GRM4: variants seen among roughly 807,000 people sequenced by gnomAD.
GRM4 encodes the protein metabotropic glutamate receptor 4.
A neutral mutation model predicts 81.7 loss-of-function variants in GRM4; 28 were observed. That is an observed-to-expected ratio of 0.34 (90% CI 0.25 to 0.47). The LOEUF is 0.47. Among genes scored for constraint, GRM4 ranks in the 20% least tolerant of loss-of-function variants. The probability of loss-of-function intolerance (pLI) is 1.00; values close to 1 mark genes in which losing one functional copy is unlikely to be tolerated. For synonymous variants in GRM4, 488 were observed against 528.8 expected, an observed-to-expected ratio of 0.92 and a Z score of 1.06; for missense variants, 948 against 1,290.0, an observed-to-expected ratio of 0.73 and a Z score of 4.06.
rs1375006060 is a variant in GRM4 at position 34,133,056 on chromosome 6, A to G, written c.441T>C (p.Pro147=). The change falls in exon 2 of 11, where the codon CCT becomes CCC. Residue 147 remains proline, a synonymous_variant. Transcript: ENST00000538487. The surrounding 1 kb of genome is among the most constrained non-coding windows in gnomAD (Gnocchi z 6.5). ...GSGGPPIITK[P]ERVVGVIGAS... ...CACCGATGACACCCACCACACGTTC[A>G]GGCTTGGTGATGATGGGTGGGCCGC... is the stretch of plus-strand genomic sequence containing the variant. The G allele has an allele frequency of 5.6e-6, 9 of 1,613,930 alleles. No individual in the cohort carries two copies. The highest frequency in any genetic ancestry group is 7.6e-6 in the Non-Finnish European group (9 of 1,179,902).
chr6:34,033,940 T>C (rs141052627), intron 9 of GRM4, among the ~76,000 whole-genome samples: 12 of 152,286 alleles, frequency 7.9e-5, no homozygotes, highest in African/African-American at 2.2e-4. Flanking sequence ...GGTTTCACCA[T>C]GTTGGTCAGG....
rs1767233623 is a variant in GRM4, at chr6:34,074,871, C to T, written c.737-12843G>A. On this transcript the variant is annotated intron_variant, in intron 3 of 10. Coordinates refer to ENST00000538487, the MANE Select transcript of GRM4 (RefSeq NM_000841.4). The surrounding 1 kb of genome is among the most constrained non-coding windows in gnomAD (Gnocchi z 4.9). ...GTTCCTGGCCCCCACCAAAAGCCCC[C>T]CAGAGGTCCCTACCCCAGGTCAACC... 1.3e-5 allele frequency among the ~76,000 whole-genome samples: 2 copies of T among 152,278 alleles called. No individual in the cohort carries two copies. Among genetic ancestry groups the T allele is most frequent in the South Asian group, 4.1e-4 (2 of 4,828 alleles).
At chr6:34,053,566 G>A (rs1218088838) in intron 6 of GRM4, among the ~76,000 whole-genome samples, 3 of 152,186 alleles carry the variant, frequency 2.0e-5, no homozygotes, top group African/African-American at 4.8e-5. Context: ...GAGACATACC[G>A]CGTCTAGAGC....
chr6:34,133,413 A>G lies in GRM4; in HGVS notation c.84T>C (p.Pro28=). The G allele has an allele frequency of 1.2e-6, 2 of 1,613,194 alleles. No homozygotes were observed. The highest frequency in any genetic ancestry group is 1.7e-6 in the Non-Finnish European group (2 of 1,179,760). Residue 28 remains proline, a synonymous_variant, in exon 2 of 11, where the codon CCT becomes CCC. Transcript: ENST00000538487. The surrounding 1 kb of genome is among the most constrained non-coding windows in gnomAD (Gnocchi z 6.5). ...LLLSLYGPWM[P]SSLGKPKGHP... is the part of the protein sequence containing the mutation. The stretch of plus-strand genomic sequence containing the variant: ...GGCCTTTGGGCTTTCCCAGGGAGGA[A>G]GGCATCCAGGGGCCGTAAAGGCTGA...
rs1764937780 is a variant in GRM4, at chr6:34,040,281, T to A, written c.1403A>T (p.Asn468Ile). Reference sequence around the variant, plus strand: ...GTCATAGCGCCCAGGCGCATCTCCATTCTCATTGAAGGTCACAGGGTTCCC... The same window carrying A: ...GTCATAGCGCCCAGGCGCATCTCCAATCTCATTGAAGGTCACAGGGTTCCC... Reference protein sequence around the residue: ...IAGNPVTFNENGDAPGRYDIY... With the variant: ...IAGNPVTFNEIGDAPGRYDIY... Residue 468 changes from asparagine to isoleucine, a missense_variant, in exon 8 of 11, where the codon AAT becomes ATT. Physicochemically the swap from Asn to Ile is moderately radical, Grantham distance 149 (BLOSUM62 -3). Transcript: ENST00000538487. 6.2e-7 allele frequency: 1 copy of A among 1,614,226 alleles called. No homozygotes were observed. Among genetic ancestry groups the A allele is most frequent in the Non-Finnish European group, 8.5e-7 (1 of 1,180,010 alleles).
chr6:34,029,920 A>T (rs1403597694), intron 9 of GRM4, among the ~76,000 whole-genome samples: 1 of 152,224 alleles, frequency 6.6e-6, no homozygotes, highest in African/African-American at 2.4e-5. Context: ...CCACTGGTTC[A>T]GGGAAATGTC....
intron 2 of GRM4, among the ~76,000 whole-genome samples, chr6:34,122,761 T>TGTCA (rs60566725): frequency 3.9e-5 from 6 of 151,916 alleles, no homozygotes; most frequent in African/African-American, 1.2e-4. Context: ...TCTGTCTGTC[T>TGTCA]CTGGGCCAGG....
At position 34,040,305 on chromosome 6, in the gene GRM4, C is replaced by T; in HGVS notation, c.1379G>A (p.Gly460Glu). The T allele has an allele frequency of 6.2e-6, 10 of 1,614,116 alleles. No homozygotes were observed. The highest frequency in any genetic ancestry group is 8.5e-6 in the Non-Finnish European group (10 of 1,180,002). Reference protein sequence around the residue: ...IRNVNFSGIAGNPVTFNENGD... With the variant: ...IRNVNFSGIAENPVTFNENGD... ...ATTCTCATTGAAGGTCACAGGGTTCCCTGCGATGCCTGTAAGGGTGGGCGG... is the reference window on the plus strand; with the variant it reads ...ATTCTCATTGAAGGTCACAGGGTTCTCTGCGATGCCTGTAAGGGTGGGCGG... The change falls in exon 8 of 11, where the codon GGG becomes GAG. Residue 460 changes from glycine to glutamate, a missense_variant. Transcript: ENST00000538487.
chr6:34,108,778 C>A (rs1369961334), intron 2 of GRM4, among the ~76,000 whole-genome samples: 1 of 152,164 alleles, frequency 6.6e-6, no homozygotes, highest in African/African-American at 2.4e-5. Flanking sequence ...TATTGAGGAT[C>A]TGCTTCCGCC....
chr6:34,126,178 A>T (rs1770014355), intron 2 of GRM4, among the ~76,000 whole-genome samples: 1 of 152,226 alleles, frequency 6.6e-6, no homozygotes, highest in Non-Finnish European at 1.5e-5. Flanking sequence ...ATTCAGGGCC[A>T]GATGGCCTGG....
chr6:34,019,941 C>T lies in GRM4; in HGVS notation c.*2880G>A, dbSNP rs1763810679. On this transcript the variant is annotated 3_prime_UTR_variant, in exon 11 of 11. Transcript: ENST00000538487. ...TGGCCTGAGCCTTCTAGGTGATGGA[C>T]CCAGGACTCCAGCAGCACCCACCCT... The T allele has an allele frequency of 6.6e-6, 1 of 152,250 alleles. No individual in the cohort carries two copies. The highest frequency in any genetic ancestry group is 2.4e-5 in the African/African-American group (1 of 41,410). 9.4% of individuals were successfully genotyped at this position (152,250 alleles called of 1,614,324 possible).
At chr6:34,146,735 C>T (rs758671212), upstream of GRM4, among the ~76,000 whole-genome samples, 19 of 152,192 alleles carry the variant, frequency 1.2e-4, no homozygotes, top group Non-Finnish European at 2.6e-4. Flanking sequence ...AGTACCTCGA[C>T]CCCCGGCTGA....
chr6:34,035,485 T>TG lies in GRM4; in HGVS notation c.2442+182dup, dbSNP rs2127442275. On this transcript the variant is annotated intron_variant, in intron 9 of 10. Transcript: ENST00000538487. The surrounding 1 kb of genome is among the most constrained non-coding windows in gnomAD (Gnocchi z 6.6). ...AAACCCAGAACCCAGAGAGAAAACTTGCAGCTGGGAGAGAAGGCAGAATGA... is the reference window on the plus strand; with the variant it reads ...AAACCCAGAACCCAGAGAGAAAACTTGGCAGCTGGGAGAGAAGGCAGAATGA... Among the ~76,000 whole-genome samples the TG allele has an allele frequency of 7.9e-6, 1 of 127,030 alleles. No homozygotes were observed. Among genetic ancestry groups the TG allele is most frequent in the South Asian group, 2.2e-4 (1 of 4,466 alleles). The allele number at this position is 127,030 out of a possible 152,430, so 83.3% of individuals were successfully genotyped here.
rs985307868 is a variant in GRM4, at chr6:34,133,555, T to C, written c.-59A>G. 1.3e-6 allele frequency: 2 copies of C among 1,499,582 alleles called. No homozygotes were observed. 92.9% of individuals were successfully genotyped at this position (1,499,582 alleles called of 1,614,324 possible). A position where few individuals can be genotyped will look rare whatever the true frequency, so the allele number is the denominator to read the frequency against. Reference sequence around the variant, plus strand: ...CCCACTCCTAGCCCTGGCAGGCCCCTGGCCCCACGGCCTGGGTGGGCATGG... The same window carrying C: ...CCCACTCCTAGCCCTGGCAGGCCCCCGGCCCCACGGCCTGGGTGGGCATGG... On this transcript the variant is annotated 5_prime_UTR_variant, in exon 2 of 11. Transcript: ENST00000538487. The surrounding 1 kb of genome is among the most constrained non-coding windows in gnomAD (Gnocchi z 6.5).
At chr6:34,027,183 G>T (rs935229394) in intron 10 of GRM4, among the ~76,000 whole-genome samples, 1 of 152,200 alleles carries the variant, frequency 6.6e-6, no homozygotes, top group East Asian at 1.9e-4. Context: ...AGAGGTCGCA[G>T]GGCAGGAAAA....
chr6:34,073,034 TAC>T (rs1390560522), intron 3 of GRM4, among the ~76,000 whole-genome samples: 1 of 52,106 alleles, frequency 1.9e-5, no homozygotes, highest in Non-Finnish European at 3.7e-5. Flanking sequence ...TCACCACAGA[TAC>T]ACACCACACA....
intron 2 of GRM4, among the ~76,000 whole-genome samples, chr6:34,113,171 C>A (rs1769455992): frequency 6.9e-6 from 1 of 145,792 alleles, no homozygotes. Flanking sequence ...CTTTTCATTT[C>A]TTTCTATTTT....
rs1765040408 is a variant in GRM4 at position 34,042,006 on chromosome 6, C to A, written c.1169-1258G>T. On this transcript the variant is annotated intron_variant, in intron 6 of 10. Coordinates refer to ENST00000538487, the MANE Select transcript of GRM4 (RefSeq NM_000841.4). The surrounding 1 kb of genome is among the most constrained non-coding windows in gnomAD (Gnocchi z 4.2). ...GTGGCTCACACCTGTAATCCCAGCA[C>A]TTTGGGAGACTGAGGTGGGTGGATC... is the stretch of plus-strand genomic sequence containing the variant. 6.6e-6 allele frequency among the ~76,000 whole-genome samples: 1 copy of A among 152,178 alleles called. No individual in the cohort carries two copies. The highest frequency in any genetic ancestry group is 2.4e-5 in the African/African-American group (1 of 41,440).
chr6:34,134,062 T>C (rs1451306194), intron 1 of GRM4, among the ~76,000 whole-genome samples: 2 of 152,260 alleles, frequency 1.3e-5, no homozygotes, highest in East Asian at 1.9e-4. Flanking sequence ...AATTAGGTCA[T>C]GTTTGAAGCT....
Sources: gnomAD v4.1 joint callset for allele counts (sites outside exome capture counted in the v4.1 genomes callset) on GRCh38, gnomAD v4.1.1 for gene constraint, Gnocchi (gnomAD v3.1) non-coding constraint, MANE v1.5 for transcripts, NCBI Gene and HGNC (gene_info 2026-07-23, HGNC 2026-07-21) for gene names.